The following KHDRBS2 variants were observed in gnomAD, a reference collection of about 807,000 sequenced individuals.
The protein encoded by KHDRBS2 is KH domain-containing, RNA-binding, signal transduction-associated protein 2.
A neutral mutation model predicts 44.3 loss-of-function variants in KHDRBS2; 26 were observed. That is an observed-to-expected ratio of 0.59 (90% CI 0.43 to 0.81). KHDRBS2 has a LOEUF of 0.81. Among genes scored for constraint, KHDRBS2 ranks in the 40% least tolerant of loss-of-function variants. The pLI is 0.00. For synonymous variants in KHDRBS2, 194 were observed against 151.1 expected, an observed-to-expected ratio of 1.28 and a Z score of -2.08; for missense variants, 476 against 433.1, an observed-to-expected ratio of 1.10 and a Z score of -0.88.
chr6:61,979,555 G>C (rs1357718486), intron 3 of KHDRBS2, among the ~76,000 whole-genome samples: 2 of 152,058 alleles, frequency 1.3e-5, no homozygotes, highest in Non-Finnish European at 2.9e-5. Flanking sequence ...GAAAGAGATG[G>C]GAAGGCATCC....
the KHDRBS2 span, among the ~76,000 whole-genome samples, chr6:61,552,374 C>T: frequency 6.6e-6 from 1 of 152,100 alleles, no homozygotes; most frequent in South Asian, 2.1e-4. Context: ...TATACTAAAA[C>T]TTTGCTGAAG....
At chr6:62,018,361 A>G (rs1456261036) in intron 3 of KHDRBS2, among the ~76,000 whole-genome samples, 2 of 147,974 alleles carry the variant, frequency 1.4e-5, no homozygotes, top group African/African-American at 2.5e-5. Flanking sequence ...TTCTCACCCA[A>G]ATATTTTTTA....
At chr6:62,056,082 A>G (rs13220046) in intron 2 of KHDRBS2, among the ~76,000 whole-genome samples, 1 of 151,850 alleles carries the variant, frequency 6.6e-6, no homozygotes, top group Non-Finnish European at 1.5e-5. Context: ...TTTCCTGAAG[A>G]CCTTTCCTTC....
intron 2 of KHDRBS2, among the ~76,000 whole-genome samples, chr6:62,104,453 T>A (rs1802671808): frequency 6.6e-6 from 1 of 152,236 alleles, no homozygotes; most frequent in African/African-American, 2.4e-5. Context: ...CGTTATGTTC[T>A]ATTACCATAA....
the KHDRBS2 span, among the ~76,000 whole-genome samples, chr6:61,615,219 C>CCAAAA: frequency 8.0e-4 from 81 of 101,012 alleles, 1 homozygote; most frequent in Admixed American, 2.4e-3. Context: ...GGTGACAGAG[C>CCAAAA]AAGACTCCAT....
At chr6:62,105,184 C>A (rs1374349194) in intron 2 of KHDRBS2, among the ~76,000 whole-genome samples, 26 of 152,068 alleles carry the variant, frequency 1.7e-4, no homozygotes, top group Admixed American at 1.7e-3. Flanking sequence ...ATAGTGAATT[C>A]TATCAAACAC....
chr6:61,704,007 T>A (rs1769090052), intron 7 of KHDRBS2, among the ~76,000 whole-genome samples: 1 of 151,932 alleles, frequency 6.6e-6, no homozygotes, highest in African/African-American at 2.4e-5. Flanking sequence ...ACCTATGGAA[T>A]GCTTATGTTG....
intron 6 of KHDRBS2, among the ~76,000 whole-genome samples, chr6:61,763,394 C>T (rs1779554399): frequency 1.3e-5 from 2 of 152,132 alleles, no homozygotes; most frequent in Admixed American, 6.6e-5. Flanking sequence ...GTATGCTTCT[C>T]AGATTTTATT....
intron 2 of KHDRBS2, among the ~76,000 whole-genome samples, chr6:62,083,104 T>C (rs1797719365): frequency 6.6e-6 from 1 of 152,100 alleles, no homozygotes; most frequent in Admixed American, 6.6e-5. Flanking sequence ...AAATGTTGCC[T>C]TTTCCACAAT....
chr6:61,848,472 T>TATATATATATATATATATATATATAC (rs1232105997), intron 6 of KHDRBS2, among the ~76,000 whole-genome samples: 1 of 47,634 alleles, frequency 2.1e-5, no homozygotes, highest in Non-Finnish European at 3.6e-5. Flanking sequence ...GGAGGTTTTA[T>TATATATATATATATATATATATATAC]ATATATATAT....
chr6:62,022,387 C>G (rs1323720913), intron 3 of KHDRBS2, among the ~76,000 whole-genome samples: 4 of 151,622 alleles, frequency 2.6e-5, no homozygotes, highest in African/African-American at 7.3e-5. Context: ...TATGAGTTAA[C>G]CAACCTGTCT....
At chr6:62,254,515 A>G (rs1326779259) in intron 1 of KHDRBS2, among the ~76,000 whole-genome samples, 4 of 152,090 alleles carry the variant, frequency 2.6e-5, no homozygotes, top group Admixed American at 2.6e-4. Context: ...CAAGAATGAT[A>G]AGATGGAATC....
intron 4 of KHDRBS2, among the ~76,000 whole-genome samples, chr6:61,974,784 A>C (rs953575781): frequency 2.6e-5 from 4 of 151,864 alleles, no homozygotes; most frequent in African/African-American, 4.8e-5. Context: ...TACAAAAATT[A>C]GCTGGGCATG....
the KHDRBS2 span, among the ~76,000 whole-genome samples, chr6:61,607,679 C>T: frequency 6.6e-6 from 1 of 151,894 alleles, no homozygotes; most frequent in Non-Finnish European, 1.5e-5. Context: ...GCCCAAAAAT[C>T]ATTAAAGAAA....
intron 4 of KHDRBS2, among the ~76,000 whole-genome samples, chr6:61,972,506 C>T (rs1771643906): frequency 6.6e-6 from 1 of 152,050 alleles, no homozygotes; most frequent in Admixed American, 6.6e-5. Flanking sequence ...AGCTACCACA[C>T]TATTAGAATA....
chr6:61,598,975 C>A, the KHDRBS2 span, among the ~76,000 whole-genome samples: 6 of 151,622 alleles, frequency 4.0e-5, no homozygotes, highest in Non-Finnish European at 8.8e-5. Context: ...AAACTGTCAC[C>A]CAGGCTGAAG....
the KHDRBS2 span, among the ~76,000 whole-genome samples, chr6:61,542,713 C>T: frequency 1.2e-4 from 18 of 151,824 alleles, no homozygotes; most frequent in Middle Eastern, 3.2e-3. Flanking sequence ...TTATTATTTA[C>T]AAGGCATCTT....
intron 6 of KHDRBS2, among the ~76,000 whole-genome samples, chr6:61,752,269 T>G (rs1006820916): frequency 6.6e-6 from 1 of 152,078 alleles, no homozygotes; most frequent in Non-Finnish European, 1.5e-5. Flanking sequence ...TTAGATGACA[T>G]CTGGACTGTT....
intron 2 of KHDRBS2, among the ~76,000 whole-genome samples, chr6:62,084,158 C>T (rs1446084584): frequency 6.6e-6 from 1 of 152,068 alleles, no homozygotes; most frequent in Non-Finnish European, 1.5e-5. Flanking sequence ...TGCTTCCTGT[C>T]TACCTTTGGT....
Sources: gnomAD v4.1 joint callset for allele counts (sites outside exome capture counted in the v4.1 genomes callset) on GRCh38, gnomAD v4.1.1 for gene constraint, MANE v1.5 for transcripts, NCBI Gene and HGNC (gene_info 2026-07-23, HGNC 2026-07-21) for gene names.